Variants in CC2D2B observed in about 807,000 individuals in gnomAD.
CC2D2B encodes the protein protein CC2D2B.
A neutral mutation model predicts 161.2 loss-of-function variants in CC2D2B; 128 were observed. The ratio of observed to expected loss-of-function variants is 0.79; its 90% CI spans 0.69 to 0.92. The LOEUF (loss-of-function observed/expected upper bound fraction) is 0.92, where lower values mean the gene tolerates loss of function less well. Ranked by LOEUF, CC2D2B falls within the 40% of genes least tolerant of loss-of-function variation. The probability of loss-of-function intolerance (pLI) is 0.00; values close to 1 mark genes in which losing one functional copy is unlikely to be tolerated. For missense variants in CC2D2B, 1,173 were observed against 1,375.1 expected (o/e 0.85, Z 2.32); for synonymous variants, 391 against 449.8 (o/e 0.87, Z 1.65).
intron 14 of CC2D2B, among the ~76,000 whole-genome samples, chr10:95,967,323 G>T (rs545226328): frequency 2.4e-4 from 36 of 152,252 alleles, no homozygotes; most frequent in African/African-American, 6.3e-4. Flanking sequence ...AATGAAAGTT[G>T]GAGGGAGAGA....
chr10:95,964,998 T>C (rs1370876153), intron 12 of CC2D2B, among the ~76,000 whole-genome samples: 1 of 152,098 alleles, frequency 6.6e-6, no homozygotes, highest in African/African-American at 2.4e-5. Flanking sequence ...TGAGTGGAAT[T>C]GCTGGGTCAT....
chr10:95,947,113 A>ATATATTTTTT (rs1289243570), intron 9 of CC2D2B, among the ~76,000 whole-genome samples: 6 of 48,384 alleles, frequency 1.2e-4, no homozygotes, highest in African/African-American at 5.6e-4. Context: ...ATATATATAT[A>ATATATTTTTT]TTTTTTTTTT....
At chr10:96,028,945 A>C (rs1484124960) in intron 34 of CC2D2B, among the ~76,000 whole-genome samples, 2 of 151,936 alleles carry the variant, frequency 1.3e-5, no homozygotes, top group Admixed American at 6.6e-5. Context: ...ACTCATGGAG[A>C]TAGAGAGTAG....
chr10:95,960,494 TA>T (rs1405672817), intron 11 of CC2D2B, among the ~76,000 whole-genome samples: 3 of 148,992 alleles, frequency 2.0e-5, no homozygotes, highest in East Asian at 3.9e-4. Context: ...GGAAGTGATA[TA>T]AACTGAGTTT....
At chr10:95,993,426 A>G (rs907722166) in intron 22 of CC2D2B, among the ~76,000 whole-genome samples, 1 of 152,168 alleles carries the variant, frequency 6.6e-6, no homozygotes, top group Admixed American at 6.5e-5. Context: ...GTCTGTGTTC[A>G]ATACATGTGC....
intron 29 of CC2D2B, among the ~76,000 whole-genome samples, chr10:96,015,594 G>A (rs1012219128): frequency 6.6e-6 from 1 of 151,828 alleles, no homozygotes; most frequent in Admixed American, 6.6e-5. Context: ...ACCACCAGTT[G>A]GCTACTTCTG....
intron 2 of CC2D2B, chr10:95,913,232 T>A (rs534049495): frequency 6.3e-6 from 1 of 158,066 alleles, no homozygotes; most frequent in East Asian, 1.9e-4. Flanking sequence ...TGTGCCTGAC[T>A]TATTTCACTT....
chr10:96,022,571 C>T (rs1046072436), intron 32 of CC2D2B: 2 of 152,190 alleles, frequency 1.3e-5, no homozygotes, highest in African/African-American at 2.4e-5. Flanking sequence ...AAAGCTGTGA[C>T]CAAAGCATTG....
intron 20 of CC2D2B, among the ~76,000 whole-genome samples, chr10:95,989,573 A>G (rs1231541988): frequency 3.3e-5 from 5 of 152,214 alleles, no homozygotes; most frequent in Non-Finnish European, 7.3e-5. Context: ...AGAAAAGAGA[A>G]CACATATCCT....
At chr10:96,015,222 G>A (rs1342473484) in intron 29 of CC2D2B, among the ~76,000 whole-genome samples, 3 of 141,516 alleles carry the variant, frequency 2.1e-5, no homozygotes, top group Admixed American at 7.3e-5. Flanking sequence ...GCACCACCAG[G>A]CCCAGCTAAT....
At chr10:95,915,309 T>G (rs2098514207) in intron 2 of CC2D2B, among the ~76,000 whole-genome samples, 1 of 151,982 alleles carries the variant, frequency 6.6e-6, no homozygotes, top group Admixed American at 6.6e-5. Flanking sequence ...TTTTTTTTTG[T>G]GAAGTCTTTA....
intron 32 of CC2D2B, among the ~76,000 whole-genome samples, chr10:96,022,112 G>A (rs982082601): frequency 6.6e-6 from 1 of 152,120 alleles, no homozygotes; most frequent in Non-Finnish European, 1.5e-5. Flanking sequence ...GAGGTCTGGA[G>A]TTTGAGACCA....
intron 20 of CC2D2B, 31 bp from the exon 21 acceptor site, chr10:95,991,339 C>G (rs2077950278): frequency 2.9e-6 from 2 of 693,480 alleles, no homozygotes; most frequent in East Asian, 7.0e-5. Flanking sequence ...ATAAACAATA[C>G]ATTTTTTATT....
At chr10:96,000,305 T>C (rs928601497) in intron 24 of CC2D2B, 1 of 604,938 alleles carries the variant, frequency 1.7e-6, no homozygotes, top group Non-Finnish European at 2.1e-6. Context: ...TCTATTTTTC[T>C]ATTGTTTCGT....
Position 95,988,235 on chromosome 10 carries a change from C to G in CC2D2B, c.2287-15C>G. ...TGTTACATTCAAGAAGTGAAACTAA[C>G]AATTCTGTATTTAGGAGTATGAAAG... On this transcript the variant is annotated splice_polypyrimidine_tract_variant and intron_variant, in intron 19 of 34. Coordinates refer to ENST00000646931, the MANE Select transcript of CC2D2B (RefSeq NM_001349008.3). 1 of 1,092,272 alleles carries G rather than the reference C, an allele frequency of 9.2e-7. No individual in the cohort carries two copies. The highest frequency in any genetic ancestry group is 1.2e-6 in the Non-Finnish European group (1 of 859,200). 67.7% of individuals were successfully genotyped at this position (1,092,272 alleles called of 1,614,324 possible).
At chr10:96,013,645 T>C in intron 28 of CC2D2B, 143 bp from the exon 29 acceptor site, 1 of 494,694 alleles carries the variant, frequency 2.0e-6, no homozygotes, top group Non-Finnish European at 3.5e-6. Context: ...TCCAAGCTTA[T>C]TTCCTCTTCT....
intron 17 of CC2D2B, among the ~76,000 whole-genome samples, chr10:95,980,854 A>C (rs2077491096): frequency 6.6e-6 from 1 of 152,202 alleles, no homozygotes; most frequent in Admixed American, 6.5e-5. Flanking sequence ...ATTTATAGAC[A>C]GGAACCTTTC....
intron 22 of CC2D2B, among the ~76,000 whole-genome samples, chr10:95,994,215 T>C (rs1341242164): frequency 1.3e-5 from 2 of 149,244 alleles, no homozygotes; most frequent in African/African-American, 5.0e-5. Flanking sequence ...GGAGGGTGAG[T>C]CGTCCAAGTG....
chr10:96,021,227 G>A (rs1216407494), intron 32 of CC2D2B: 1 of 152,218 alleles, frequency 6.6e-6, no homozygotes, highest in Non-Finnish European at 1.5e-5. Flanking sequence ...AACCTTTGAT[G>A]TGCCAATTCA....
Sources: gnomAD v4.1 joint callset for allele counts (sites outside exome capture counted in the v4.1 genomes callset) on GRCh38, gnomAD v4.1.1 for gene constraint, MANE v1.5 for transcripts, NCBI Gene and HGNC (gene_info 2026-07-23, HGNC 2026-07-21) for gene names.